Variants in DOCK2 observed in about 807,000 individuals in gnomAD.
DOCK2 encodes dedicator of cytokinesis protein 2.
DOCK2 carries 87 observed loss-of-function variants against 248.9 expected under a neutral mutation model. The ratio of observed to expected loss-of-function variants is 0.35; its 90% confidence interval spans 0.29 to 0.42. The LOEUF (loss-of-function observed/expected upper bound fraction) is 0.42. Among genes scored for constraint, DOCK2 ranks in the 10% least tolerant of loss-of-function variants. The pLI is 1.00. For missense variants in DOCK2, 1,747 were observed against 2,300.2 expected (o/e 0.76, Z 4.92); for synonymous variants, 805 against 821.6 (o/e 0.98, Z 0.35).
At chr5:169,770,612 T>G (rs1157043844) in intron 25 of DOCK2, among the ~76,000 whole-genome samples, 1 of 152,212 alleles carries the variant, frequency 6.6e-6, no homozygotes, top group Non-Finnish European at 1.5e-5. Flanking sequence ...TTGAATCTTT[T>G]GTTAATCATT....
At chr5:169,979,229 A>T (rs1777851022) in intron 27 of DOCK2, among the ~76,000 whole-genome samples, 1 of 152,332 alleles carries the variant, frequency 6.6e-6, no homozygotes, top group Admixed American at 6.5e-5. Context: ...CCTACACTGT[A>T]AAGTTTGAAC....
chr5:170,029,036 G>A (rs893430746), intron 34 of DOCK2, among the ~76,000 whole-genome samples: 1 of 152,116 alleles, frequency 6.6e-6, no homozygotes, highest in Non-Finnish European at 1.5e-5. Context: ...TCTTCTGTGA[G>A]CATGCAGGTA....
intron 27 of DOCK2, among the ~76,000 whole-genome samples, chr5:169,922,536 A>G (rs1433648064): frequency 6.6e-6 from 1 of 152,242 alleles, no homozygotes; most frequent in Non-Finnish European, 1.5e-5. Flanking sequence ...ACCTTTGAAT[A>G]ATACCAACAA....
intron 27 of DOCK2, among the ~76,000 whole-genome samples, chr5:169,906,138 G>A (rs766124871): frequency 3.7e-4 from 57 of 152,238 alleles, no homozygotes; most frequent in Admixed American, 6.5e-4. Flanking sequence ...ACATTCATTC[G>A]TGCAGTAAAT....
chr5:169,832,743 TAAGA>T (rs1769308906), intron 26 of DOCK2, among the ~76,000 whole-genome samples: 1 of 152,076 alleles, frequency 6.6e-6, no homozygotes, highest in Admixed American at 6.5e-5. Context: ...AGTTTCAAGA[TAAGA>T]AAGAAATGGA....
At chr5:169,925,373 C>T (rs1020511834) in intron 27 of DOCK2, among the ~76,000 whole-genome samples, 9 of 151,948 alleles carry the variant, frequency 5.9e-5, no homozygotes, top group African/African-American at 7.2e-5. Context: ...CAAGGTCAGG[C>T]GTTAAAGACC....
In DOCK2 at chr5:169,907,128, G is replaced by A. The variant is rs144076427; in HGVS notation, c.2799+66276G>A. On this transcript the variant is annotated intron_variant, in intron 27 of 51. Transcript: ENST00000520908. ...CAGTTGAAATCAATCGAAAGATATG[G>A]CCGGGGATGCATCTGGGACCCATAT... Among the ~76,000 whole-genome samples the A allele has an allele frequency of 5.3e-3, 811 of 152,234 alleles. 8 individuals are homozygous for A. Among genetic ancestry groups the A allele is most frequent in the African/African-American group, 0.018 (736 of 41,542 alleles).
At chr5:169,835,266 T>TTTC (rs1769493911) in intron 26 of DOCK2, among the ~76,000 whole-genome samples, 1 of 149,106 alleles carries the variant, frequency 6.7e-6, no homozygotes, top group Non-Finnish European at 1.5e-5. Context: ...CCTGGTTTTT[T>TTTC]TTTTTTTTTT....
chr5:170,067,947 A>C (rs1757553791), intron 45 of DOCK2, among the ~76,000 whole-genome samples: 1 of 152,192 alleles, frequency 6.6e-6, no homozygotes, highest in Non-Finnish European at 1.5e-5. Flanking sequence ...AGGTCCCCTT[A>C]TCTCACTGGG....
At chr5:169,854,737 A>T (rs1770801121) in intron 27 of DOCK2, among the ~76,000 whole-genome samples, 1 of 152,262 alleles carries the variant, frequency 6.6e-6, no homozygotes, top group African/African-American at 2.4e-5. Flanking sequence ...ACATATACAA[A>T]GCATTTACAG....
intron 27 of DOCK2, among the ~76,000 whole-genome samples, chr5:169,969,164 G>T (rs1229926985): frequency 6.6e-6 from 1 of 151,882 alleles, no homozygotes; most frequent in African/African-American, 2.4e-5. Flanking sequence ...AGAAAAAATG[G>T]CCGGGGGTGG....
At chr5:169,908,313 G>A (rs1488177139) in intron 27 of DOCK2, among the ~76,000 whole-genome samples, 1 of 151,830 alleles carries the variant, frequency 6.6e-6, no homozygotes, top group Non-Finnish European at 1.5e-5. Flanking sequence ...AAGTATATAA[G>A]CACATGCGAT....
intron 41 of DOCK2, 86 bp downstream of exon 41, chr5:170,050,483 C>G: frequency 6.8e-7 from 1 of 1,478,950 alleles, no homozygotes; most frequent in Non-Finnish European, 9.1e-7. Flanking sequence ...CCTTAGAGCT[C>G]AGGGCTGCTG....
intron 41 of DOCK2, among the ~76,000 whole-genome samples, chr5:170,052,754 G>A (rs1756963802): frequency 2.6e-5 from 4 of 152,128 alleles, no homozygotes; most frequent in Non-Finnish European, 5.9e-5. Flanking sequence ...CCATGTACTA[G>A]GCATTTTACA....
chr5:169,983,612 T>C (rs1777994805), intron 28 of DOCK2, among the ~76,000 whole-genome samples: 1 of 152,208 alleles, frequency 6.6e-6, no homozygotes, highest in Non-Finnish European at 1.5e-5. Context: ...TGCAAGACCA[T>C]CTGCCCGTGG....
intron 35 of DOCK2, among the ~76,000 whole-genome samples, chr5:170,034,821 A>G (rs1027042324): frequency 1.3e-5 from 2 of 152,228 alleles, no homozygotes; most frequent in African/African-American, 4.8e-5. Context: ...TGGAAGGAAG[A>G]TGACAGTATA....
chr5:169,860,864 AAC>A (rs1308450276), intron 27 of DOCK2, among the ~76,000 whole-genome samples: 3 of 152,246 alleles, frequency 2.0e-5, no homozygotes, highest in Non-Finnish European at 2.9e-5. Context: ...CCTCAATAGC[AAC>A]AGGGTTTAGC....
At chr5:169,742,973 A>C (rs1763403521) in intron 22 of DOCK2, among the ~76,000 whole-genome samples, 1 of 152,206 alleles carries the variant, frequency 6.6e-6, no homozygotes, top group African/African-American at 2.4e-5. Flanking sequence ...CCCTGGCAAA[A>C]TCTGCTGGTT....
intron 27 of DOCK2, among the ~76,000 whole-genome samples, chr5:169,846,157 G>A (rs977788218): frequency 8.5e-5 from 13 of 152,150 alleles, no homozygotes; most frequent in African/African-American, 2.9e-4. Flanking sequence ...CACCATAAAT[G>A]TCAAGTACTT....
Sources: gnomAD v4.1 joint callset for allele counts (sites outside exome capture counted in the v4.1 genomes callset) on GRCh38, gnomAD v4.1.1 for gene constraint, MANE v1.5 for transcripts, NCBI Gene and HGNC (gene_info 2026-07-23, HGNC 2026-07-21) for gene names.